The following BAIAP2L1 variants were observed in gnomAD, a reference collection of about 807,000 sequenced individuals.
BAIAP2L1 encodes the protein BAR/IMD domain-containing adapter protein 2-like 1.
A neutral mutation model predicts 66.3 loss-of-function variants in BAIAP2L1; 35 were observed. That is an observed-to-expected ratio of 0.53 (90% CI 0.40 to 0.70). BAIAP2L1 has a LOEUF of 0.70. Ranked by LOEUF, BAIAP2L1 falls within the 30% of genes least tolerant of loss-of-function variation. BAIAP2L1 has a pLI of 0.00. For missense variants in BAIAP2L1, 622 were observed against 656.9 expected (o/e 0.95, Z 0.58); for synonymous variants, 269 against 248.7 (o/e 1.08, Z -0.77).
At chr7:98,395,067 C>T (rs2115860537) in intron 1 of BAIAP2L1, among the ~76,000 whole-genome samples, 1 of 152,102 alleles carries the variant, frequency 6.6e-6, no homozygotes, top group Middle Eastern at 3.4e-3. Context: ...GCCGAGATCA[C>T]ACCACTGCAC....
chr7:98,336,953 T>A (rs778155977), intron 3 of BAIAP2L1, among the ~76,000 whole-genome samples: 1 of 152,208 alleles, frequency 6.6e-6, no homozygotes, highest in Non-Finnish European at 1.5e-5. Flanking sequence ...GACAAGTCAC[T>A]CAACCTAAGC....
At chr7:98,332,809 C>CAAA (rs55756451) in intron 3 of BAIAP2L1, among the ~76,000 whole-genome samples, 29,691 of 82,490 alleles carry the variant, frequency 0.36, 3,475 homozygotes, top group Non-Finnish European at 0.43. Context: ...ACTTCGTCCC[C>CAAA]AAAAAAAAAA....
chr7:98,359,565 C>G (rs1802217508), intron 2 of BAIAP2L1, among the ~76,000 whole-genome samples: 1 of 152,070 alleles, frequency 6.6e-6, no homozygotes, highest in South Asian at 2.1e-4. Context: ...GCCATCGCGC[C>G]CGGCCGACTT....
At chr7:98,328,467 T>C (rs1562975172) in intron 3 of BAIAP2L1, among the ~76,000 whole-genome samples, 3 of 152,144 alleles carry the variant, frequency 2.0e-5, no homozygotes, top group Non-Finnish European at 4.4e-5. Context: ...GTAGAGTGCC[T>C]GCTCCACAGG....
chr7:98,357,068 T>C (rs1271895664), intron 2 of BAIAP2L1, among the ~76,000 whole-genome samples: 1 of 78,886 alleles, frequency 1.3e-5, no homozygotes, highest in Non-Finnish European at 2.4e-5. Context: ...TTTTTTTTTT[T>C]AAGAGTAGGG....
intron 1 of BAIAP2L1, among the ~76,000 whole-genome samples, chr7:98,388,689 C>T (rs1452097882): frequency 6.6e-6 from 1 of 152,156 alleles, no homozygotes; most frequent in Non-Finnish European, 1.5e-5. Flanking sequence ...ATAATCACAA[C>T]TGGGCCAGAT....
rs1001499154 is a variant in BAIAP2L1 at position 98,305,215 on chromosome 7, A to T, written c.1242-839T>A. Among the ~76,000 whole-genome samples, 11 of 151,762 alleles carry T rather than the reference A, an allele frequency of 7.2e-5. 1 individual carries two copies. The highest frequency in any genetic ancestry group is 3.9e-4 in the Admixed American group (6 of 15,218). On this transcript the variant is annotated intron_variant, in intron 11 of 13. Transcript: ENST00000005260. ...CAAAAAATTATTTAAAAGACATGACAAAAGGAGAGGAAACCTTTTAAATTA... is the reference window on the plus strand; with the variant it reads ...CAAAAAATTATTTAAAAGACATGACTAAAGGAGAGGAAACCTTTTAAATTA...
At chr7:98,318,992 A>C (rs1222451574) in intron 5 of BAIAP2L1, among the ~76,000 whole-genome samples, 1 of 151,704 alleles carries the variant, frequency 6.6e-6, no homozygotes, top group Non-Finnish European at 1.5e-5. Context: ...GAGTTTCTGA[A>C]GGCATAGCAA....
chr7:98,377,802 AGAGT>A (rs1802667605), intron 1 of BAIAP2L1, among the ~76,000 whole-genome samples: 1 of 122,322 alleles, frequency 8.2e-6, no homozygotes, highest in African/African-American at 3.1e-5. Context: ...CCTGGGCGAC[AGAGT>A]GAGACTCAAT....
At chr7:98,380,672 ATCC>A (rs1359486658) in intron 1 of BAIAP2L1, among the ~76,000 whole-genome samples, 3 of 151,164 alleles carry the variant, frequency 2.0e-5, no homozygotes. Context: ...GCCTCAAGCA[ATCC>A]TCCTACCTCA....
At chr7:98,333,599 A>AAAAT (rs900167366) in intron 3 of BAIAP2L1, among the ~76,000 whole-genome samples, 9 of 152,084 alleles carry the variant, frequency 5.9e-5, no homozygotes, top group South Asian at 2.1e-4. Flanking sequence ...ACTCTGTCTC[A>AAAAT]AAATAAATAA....
chr7:98,354,893 GCAT>G (rs1802083987), intron 3 of BAIAP2L1, 146 bp downstream of exon 3: 7 of 643,476 alleles, frequency 1.1e-5, no homozygotes, highest in African/African-American at 1.1e-4. Flanking sequence ...CTACGACTAA[GCAT>G]CAATTTCCAC....
At chr7:98,318,955 A>AG (rs1450308858) in intron 5 of BAIAP2L1, among the ~76,000 whole-genome samples, 1 of 151,702 alleles carries the variant, frequency 6.6e-6, no homozygotes, top group African/African-American at 2.4e-5. Flanking sequence ...CAAAAAAAAA[A>AG]AAAAAAAGAA....
chr7:98,363,594 T>G (rs1466734005), intron 1 of BAIAP2L1, among the ~76,000 whole-genome samples: 1 of 152,210 alleles, frequency 6.6e-6, no homozygotes, highest in East Asian at 1.9e-4. Context: ...TACCCTAACT[T>G]TGAAGTACAG....
chr7:98,355,757 A>G (rs1205526626), intron 2 of BAIAP2L1, among the ~76,000 whole-genome samples: 3 of 151,854 alleles, frequency 2.0e-5, no homozygotes, highest in Non-Finnish European at 4.4e-5. Flanking sequence ...AAGAAGATAC[A>G]TCCTCTCCAG....
Position 98,293,159 on chromosome 7 carries a change from C to A in BAIAP2L1, c.*362G>T. The A allele has an allele frequency of 3.3e-6, 1 of 306,148 alleles. No homozygotes were observed. Among genetic ancestry groups the A allele is most frequent in the Non-Finnish European group, 5.4e-6 (1 of 184,586 alleles). The allele number at this position is 306,148 out of a possible 1,614,324, so 19.0% of individuals were successfully genotyped here. ...AAAATAAAACTGGTCTCATTCATAT[C>A]AGGTGCAGAAAGCCAGTCCTGAAAG... On this transcript the variant is annotated 3_prime_UTR_variant, in exon 14 of 14. Coordinates refer to ENST00000005260, the MANE Select transcript of BAIAP2L1 (RefSeq NM_018842.5).
In BAIAP2L1 at chr7:98,350,110, A is replaced by AG. The variant is rs544770755; in HGVS notation, c.214+4931dup. 4.8e-3 allele frequency among the ~76,000 whole-genome samples: 725 copies of AG among 150,778 alleles called. 5 individuals carry two copies. The highest frequency in any genetic ancestry group is 0.016 in the African/African-American group (654 of 40,906). On this transcript the variant is annotated intron_variant, in intron 3 of 13. Coordinates refer to ENST00000005260, the MANE Select transcript of BAIAP2L1 (RefSeq NM_018842.5). ...TTCAAGGTAAGACCCTGCCTCAAAA[A>AG]GGGGGGAAAAAAAAAAAGAACATAC...
Position 98,355,107 on chromosome 7 carries a change from G to C in BAIAP2L1, c.149C>G (p.Ala50Gly), listed in dbSNP as rs1178094955. 24 of 1,613,420 alleles carry C rather than the reference G, an allele frequency of 1.5e-5. No homozygotes were observed. Among genetic ancestry groups the C allele is most frequent in the Non-Finnish European group, 1.9e-5 (22 of 1,179,370 alleles). Residue 50 changes from alanine to glycine, a missense_variant, in exon 3 of 14, where the codon GCC (alanine) becomes GGC (glycine). Transcript: ENST00000005260. ...GATCTTGGCCACTCCATCGTAGTAG[G>C]CTTTTCCTGCCAGGATCATAGCTAG... ...AVNAMILAGKAYYDGVAKIGE... is the reference protein window; with the variant it reads ...AVNAMILAGKGYYDGVAKIGE...
At chr7:98,368,361 G>A (rs1364636618) in intron 1 of BAIAP2L1, among the ~76,000 whole-genome samples, 2 of 152,200 alleles carry the variant, frequency 1.3e-5, no homozygotes, top group Non-Finnish European at 2.9e-5. Context: ...AGAGGTTGCA[G>A]TGAGCTGAGA....
Sources: allele counts gnomAD v4.1 joint callset (sites outside exome capture counted in the v4.1 genomes callset), GRCh38; gene constraint gnomAD v4.1.1; transcripts MANE v1.5; gene names NCBI Gene and HGNC (gene_info 2026-07-23, HGNC 2026-07-21).